The following SAXO4 variants were observed in gnomAD, a reference collection of about 807,000 sequenced individuals.
SAXO4 encodes stabilizer of axonemal microtubules 4, also known as protein phosphatase 1 regulatory subunit 32.
chr11:61,488,998 C>G, the SAXO4 span: 1 of 152,454 alleles, frequency 6.6e-6, no homozygotes, highest in Admixed American at 6.5e-5. Context: ...GAGGGGAGGG[C>G]GGTGTCCTGG....
chr11:61,482,790 G>T, the SAXO4 span: 1 of 1,610,008 alleles, frequency 6.2e-7, no homozygotes, highest in South Asian at 1.1e-5. Context: ...AGCCCAGTGC[G>T]GGTCCCCCCA....
the SAXO4 span, chr11:61,485,313 C>A: frequency 6.2e-6 from 10 of 1,610,990 alleles, no homozygotes; most frequent in Non-Finnish European, 8.5e-6. Context: ...TCAGTGCCCC[C>A]ACTCCTCCAA....
the SAXO4 span, chr11:61,489,655 C>A: frequency 1.0e-6 from 1 of 959,370 alleles, no homozygotes; most frequent in Non-Finnish European, 1.6e-6. Flanking sequence ...TTAGGGAGAG[C>A]TAGACGAGGA....
the SAXO4 span, chr11:61,490,704 T>TG: frequency 5.8e-6 from 5 of 859,038 alleles, no homozygotes; most frequent in Admixed American, 3.9e-5. Flanking sequence ...CCCTTCCAAG[T>TG]GGGGGGTGAC....
the SAXO4 span, chr11:61,486,565 G>T: frequency 1.9e-6 from 3 of 1,614,184 alleles, no homozygotes; most frequent in Non-Finnish European, 2.5e-6. Flanking sequence ...GCTCCAAGCG[G>T]GAAACAGCCT....
chr11:61,488,725 C>T, the SAXO4 span: 1 of 153,756 alleles, frequency 6.5e-6, no homozygotes, highest in African/African-American at 2.4e-5. Flanking sequence ...GGGATACCTC[C>T]CAGAATCCAT....
the SAXO4 span, chr11:61,482,315 G>T: frequency 6.2e-7 from 1 of 1,614,126 alleles, no homozygotes; most frequent in Non-Finnish European, 8.5e-7. Flanking sequence ...TGGCAGGTCG[G>T]GAGGATTTCA....
At chr11:61,483,006 C>T in the SAXO4 span, among the ~76,000 whole-genome samples, 1 of 151,910 alleles carries the variant, frequency 6.6e-6, no homozygotes, top group South Asian at 2.1e-4. Flanking sequence ...CTGCCCCAGC[C>T]CCACCATTAC....
chr11:61,482,171 G>A, the SAXO4 span: 1 of 743,322 alleles, frequency 1.3e-6, no homozygotes, highest in South Asian at 1.7e-5. Context: ...GAAAGGGCAG[G>A]CTTGCAAAGC....
the SAXO4 span, among the ~76,000 whole-genome samples, chr11:61,483,164 CTTTTTT>C: frequency 8.4e-6 from 1 of 119,350 alleles, no homozygotes; most frequent in African/African-American, 3.5e-5. Flanking sequence ...ATTTCTTTTT[CTTTTTT>C]TTTTTTTTTT....
At chr11:61,485,301 G>GC in the SAXO4 span, 1 of 1,590,328 alleles carries the variant, frequency 6.3e-7, no homozygotes, top group South Asian at 1.1e-5. Context: ...GGCCCTGGTG[G>GC]GTCAGTGCCC....
chr11:61,487,104 C>G, the SAXO4 span: 1 of 1,612,202 alleles, frequency 6.2e-7, no homozygotes, highest in Non-Finnish European at 8.5e-7. Flanking sequence ...AATCCCCACC[C>G]CTTCTGACTT....
the SAXO4 span, chr11:61,486,880 C>A: frequency 7.6e-7 from 1 of 1,317,804 alleles, no homozygotes; most frequent in Non-Finnish European, 1.1e-6. Context: ...CTGCCTGCTC[C>A]CCTCTCCATC....
At chr11:61,489,791 G>A in the SAXO4 span, 1 of 1,613,942 alleles carries the variant, frequency 6.2e-7, no homozygotes, top group Non-Finnish European at 8.5e-7. Flanking sequence ...GGTACTTTGA[G>A]AACATCCCCA....
chr11:61,482,049 C>T, the SAXO4 span: 10 of 721,914 alleles, frequency 1.4e-5, no homozygotes, highest in Non-Finnish European at 2.3e-5. Context: ...TCCCCTGGGC[C>T]CTGCCCGGCT....
the SAXO4 span, chr11:61,485,720 C>G: frequency 9.0e-7 from 1 of 1,105,252 alleles, no homozygotes; most frequent in African/African-American, 1.5e-5. Context: ...TCCCTCTGCA[C>G]CTGCTGGGAC....
At chr11:61,485,343 A>G in the SAXO4 span, 1 of 1,613,466 alleles carries the variant, frequency 6.2e-7, no homozygotes, top group Non-Finnish European at 8.5e-7. Context: ...TCCAGGGCCC[A>G]CGCTTCATGA....
the SAXO4 span, among the ~76,000 whole-genome samples, chr11:61,487,500 A>G: frequency 6.6e-6 from 1 of 152,040 alleles, no homozygotes; most frequent in East Asian, 1.9e-4. Flanking sequence ...CACTGGGAAA[A>G]CTCTAGAAAA....
At chr11:61,489,914 G>A in the SAXO4 span, 3 of 1,612,994 alleles carry the variant, frequency 1.9e-6, no homozygotes, top group Non-Finnish European at 2.5e-6. Flanking sequence ...ACCCCATGGA[G>A]AGCCTGCGGC....
Sources: allele counts gnomAD v4.1 joint callset (sites outside exome capture counted in the v4.1 genomes callset), GRCh38; gene constraint gnomAD v4.1.1; transcripts MANE v1.5; gene names NCBI Gene and HGNC (gene_info 2026-07-23, HGNC 2026-07-21).